The following TMC1 variants were observed in gnomAD, a reference collection of about 807,000 sequenced individuals.
TMC1 encodes the protein transmembrane channel-like protein 1.
Under a neutral mutation model 105.8 loss-of-function variants are expected in TMC1, and 84 were observed. That is an observed-to-expected ratio of 0.79 (90% confidence interval 0.67 to 0.95). The LOEUF is 0.95. Ranked by LOEUF, TMC1 falls within the 40% of genes least tolerant of loss-of-function variation. The pLI is 0.00. For missense variants in TMC1, 817 were observed against 914.1 expected, an observed-to-expected ratio of 0.89 and a Z score of 1.37; for synonymous variants, 315 against 311.5, an observed-to-expected ratio of 1.01 and a Z score of -0.12.
intron 17 of TMC1, among the ~76,000 whole-genome samples, chr9:72,795,931 C>A (rs181504727): frequency 1.3e-5 from 2 of 151,000 alleles, no homozygotes; most frequent in South Asian, 4.2e-4. Context: ...AACACCCACA[C>A]GCTAAAAATA....
At chr9:72,730,267 G>A (rs759240959) in intron 8 of TMC1, among the ~76,000 whole-genome samples, 4 of 151,950 alleles carry the variant, frequency 2.6e-5, no homozygotes, top group Non-Finnish European at 4.4e-5. Flanking sequence ...TAGTTTCTAC[G>A]GCCTGCCCTG....
chr9:72,759,165 C>G (rs183779419), intron 12 of TMC1, among the ~76,000 whole-genome samples: 110 of 152,044 alleles, frequency 7.2e-4, no homozygotes, highest in African/African-American at 2.5e-3. Flanking sequence ...GCTGCATGGC[C>G]CCAAGAGGTG....
chr9:72,668,748 T>C (rs1346505847), intron 5 of TMC1, among the ~76,000 whole-genome samples: 2 of 152,218 alleles, frequency 1.3e-5, no homozygotes, highest in African/African-American at 2.4e-5. Flanking sequence ...ACTGTGGGAT[T>C]AAAATAATGT....
chr9:72,568,337 T>G (rs753190323), intron 1 of TMC1, among the ~76,000 whole-genome samples: 1 of 152,208 alleles, frequency 6.6e-6, no homozygotes, highest in African/African-American at 2.4e-5. Context: ...CTTACACTTT[T>G]GGCTCTGTCT....
chr9:72,639,224 A>G (rs1455993076), intron 4 of TMC1, among the ~76,000 whole-genome samples: 2 of 152,188 alleles, frequency 1.3e-5, no homozygotes, highest in Non-Finnish European at 2.9e-5. Flanking sequence ...ATTCTAATGT[A>G]CTATAACTTA....
At chr9:72,825,872 T>C (rs1033410764) in intron 20 of TMC1, among the ~76,000 whole-genome samples, 2 of 151,956 alleles carry the variant, frequency 1.3e-5, no homozygotes, top group African/African-American at 4.8e-5. Context: ...CTTGTACCTC[T>C]GTAGTCCAAT....
chr9:72,615,960 C>T (rs1825120045), intron 2 of TMC1, among the ~76,000 whole-genome samples: 2 of 152,038 alleles, frequency 1.3e-5, no homozygotes, highest in Non-Finnish European at 1.5e-5. Context: ...GTTGGTCAGG[C>T]TGGTCTCGAA....
At chr9:72,535,903 G>A (rs1476076097) in intron 1 of TMC1, among the ~76,000 whole-genome samples, 1 of 152,126 alleles carries the variant, frequency 6.6e-6, no homozygotes, top group Non-Finnish European at 1.5e-5. Context: ...TCTACAGGGA[G>A]GGCATTAATT....
chr9:72,639,423 G>A (rs1447554739), intron 4 of TMC1, among the ~76,000 whole-genome samples: 10 of 151,996 alleles, frequency 6.6e-5, no homozygotes, highest in Non-Finnish European at 1.2e-4. Context: ...TTTTTTTATA[G>A]CAACTGTCTT....
intron 15 of TMC1, among the ~76,000 whole-genome samples, chr9:72,790,689 A>G (rs1300035491): frequency 6.6e-6 from 1 of 152,164 alleles, no homozygotes; most frequent in African/African-American, 2.4e-5. Context: ...CTAGGGGCCA[A>G]TGAAGGTAAT....
chr9:72,585,848 G>A (rs184898516), intron 2 of TMC1, among the ~76,000 whole-genome samples: 117 of 152,254 alleles, frequency 7.7e-4, no homozygotes, highest in African/African-American at 2.5e-3. Context: ...TGGATGGGGC[G>A]TAGATGGAGA....
intron 1 of TMC1, among the ~76,000 whole-genome samples, chr9:72,575,863 A>G (rs906319607): frequency 3.9e-5 from 6 of 152,032 alleles, no homozygotes; most frequent in African/African-American, 1.4e-4. Context: ...CAAGTTTCTG[A>G]TTGGTTCCTA....
At chr9:72,694,453 G>C in intron 6 of TMC1, 90 bp from the exon 7 acceptor site, 1 of 1,154,202 alleles carries the variant, frequency 8.7e-7, no homozygotes, top group African/African-American at 1.5e-5. Flanking sequence ...TGTCAGATGT[G>C]TAATAATAGT....
chr9:72,532,828 G>A (rs946890892), intron 1 of TMC1, among the ~76,000 whole-genome samples: 1 of 152,204 alleles, frequency 6.6e-6, no homozygotes. Context: ...AGAGCTTGCT[G>A]ATGAGACTAA....
At chr9:72,541,884 G>A (rs1342803342) in intron 1 of TMC1, among the ~76,000 whole-genome samples, 2 of 152,076 alleles carry the variant, frequency 1.3e-5, no homozygotes, top group African/African-American at 4.8e-5. Context: ...AGGAAGAAGT[G>A]AGGTCATAAG....
chr9:72,572,409 G>A (rs1824304431), intron 1 of TMC1, among the ~76,000 whole-genome samples: 1 of 152,010 alleles, frequency 6.6e-6, no homozygotes, highest in East Asian at 1.9e-4. Flanking sequence ...TGGCCAGGCT[G>A]GTCTTGAACT....
chr9:72,746,580 C>CTT (rs34198628), intron 10 of TMC1, among the ~76,000 whole-genome samples: 38,837 of 151,888 alleles, frequency 0.26, 5,312 homozygotes, highest in East Asian at 0.39. Flanking sequence ...TAAAATGTGG[C>CTT]TAAAGGAGTC....
chr9:72,693,020 T>A (rs1324602135), intron 6 of TMC1, among the ~76,000 whole-genome samples: 1 of 151,600 alleles, frequency 6.6e-6, no homozygotes, highest in Non-Finnish European at 1.5e-5. Context: ...CTCAGGAGGC[T>A]GAGACAAGAG....
intron 7 of TMC1, among the ~76,000 whole-genome samples, chr9:72,695,849 A>C (rs1826541438): frequency 6.6e-6 from 1 of 152,090 alleles, no homozygotes; most frequent in South Asian, 2.1e-4. Context: ...ACCAAGACAA[A>C]ACTTGCTTTT....
Sources: allele counts gnomAD v4.1 joint callset (sites outside exome capture counted in the v4.1 genomes callset), GRCh38; gene constraint gnomAD v4.1.1; transcripts MANE v1.5; gene names NCBI Gene and HGNC (gene_info 2026-07-23, HGNC 2026-07-21).